PAK5: variants seen among roughly 807,000 people sequenced by gnomAD.
The protein encoded by PAK5 is serine/threonine-protein kinase PAK 5.
A neutral mutation model predicts 65.9 loss-of-function variants in PAK5; 16 were observed. The observed-to-expected ratio is 0.24, with a 90% confidence interval of 0.16 to 0.37. PAK5 has a LOEUF of 0.37. Ranked by LOEUF, PAK5 falls within the 10% of genes least tolerant of loss-of-function variation. The pLI, the probability that PAK5 is intolerant of heterozygous loss-of-function variation, is 1.00. For missense variants in PAK5, 785 were observed against 903.9 expected (o/e 0.87, Z 1.69); for synonymous variants, 371 against 354.9 (o/e 1.05, Z -0.51).
chr20:9,711,503 T>C (rs377349096), intron 1 of PAK5, 68 bp from the exon 2 acceptor site: 5 of 152,168 alleles, frequency 3.3e-5, no homozygotes, highest in African/African-American at 1.2e-4. Flanking sequence ...AAAATAAACA[T>C]ATAGCCACAT....
intron 1 of PAK5, among the ~76,000 whole-genome samples, chr20:9,836,523 A>G (rs993911008): frequency 6.6e-6 from 1 of 152,212 alleles, no homozygotes; most frequent in Non-Finnish European, 1.5e-5. Flanking sequence ...GGAAAAGGCA[A>G]GCAAGGATCC....
chr20:9,586,471 T>C (rs928889834), intron 3 of PAK5, among the ~76,000 whole-genome samples: 20 of 152,282 alleles, frequency 1.3e-4, no homozygotes, highest in Non-Finnish European at 4.4e-5. Context: ...CATCTATTTA[T>C]CCTAAAATAT....
rs2123016759 is a variant in PAK5 at position 9,580,641 on chromosome 20, G to C, written c.494C>G (p.Ala165Gly). 6.2e-7 allele frequency: 1 copy of C among 1,614,070 alleles called. No homozygotes were observed. Among genetic ancestry groups the C allele is most frequent in the Non-Finnish European group, 8.5e-7 (1 of 1,180,008 alleles). The change falls in exon 4 of 10, where the codon GCA becomes GGA. Residue 165 changes from alanine to glycine, a missense_variant. This residue lies in a region of PAK5 where 422 missense variants were observed against 413.3 expected (regional missense o/e 1.02). Coordinates refer to ENST00000353224, the MANE Select transcript of PAK5 (RefSeq NM_177990.4). The part of the protein sequence containing the change: ...DLDPYYRGSH[A>G]AKQNGHVMKM... The stretch of plus-strand genomic sequence containing the variant: ...CATTACGTGCCCATTTTGCTTGGCT[G>C]CGTGGCTGCCTCTATAATACGGATC...
At chr20:9,833,077 T>G (rs1978855182) in intron 1 of PAK5, among the ~76,000 whole-genome samples, 1 of 152,238 alleles carries the variant, frequency 6.6e-6, no homozygotes, top group South Asian at 2.1e-4. Context: ...TAGTTAAATA[T>G]TTTATTCTAG....
intron 1 of PAK5, among the ~76,000 whole-genome samples, chr20:9,802,910 G>GTATATATATATATATATATATA (rs57705525): frequency 0.049 from 2,249 of 46,096 alleles, 242 homozygotes; most frequent in South Asian, 0.095. Flanking sequence ...ATATGTATGT[G>GTATATATATATATATATATATA]TATATATATA....
intron 3 of PAK5, among the ~76,000 whole-genome samples, chr20:9,589,255 T>C (rs2046123522): frequency 6.6e-6 from 1 of 152,236 alleles, no homozygotes; most frequent in Non-Finnish European, 1.5e-5. Flanking sequence ...TCTTACCCTG[T>C]TGGTAAAGAA....
intron 4 of PAK5, among the ~76,000 whole-genome samples, chr20:9,569,373 A>T (rs2045736851): frequency 6.6e-6 from 1 of 152,204 alleles, no homozygotes; most frequent in South Asian, 2.1e-4. Flanking sequence ...TCTGAGAGTC[A>T]TCGGTGCTTA....
intron 2 of PAK5, among the ~76,000 whole-genome samples, chr20:9,690,754 T>C (rs866136275): frequency 4.1e-4 from 45 of 109,798 alleles, no homozygotes; most frequent in South Asian, 2.4e-3. Flanking sequence ...TTCTTTCTTT[T>C]TTTTTTTTTT....
intron 1 of PAK5, among the ~76,000 whole-genome samples, chr20:9,763,730 T>C (rs1484778822): frequency 6.6e-6 from 1 of 152,126 alleles, no homozygotes; most frequent in East Asian, 1.9e-4. Context: ...CATTTCAAAC[T>C]GAAGAAAAGT....
At chr20:9,607,677 C>T (rs1331310906) in intron 3 of PAK5, among the ~76,000 whole-genome samples, 1 of 151,876 alleles carries the variant, frequency 6.6e-6, no homozygotes, top group Non-Finnish European at 1.5e-5. Flanking sequence ...AAAAAATTAG[C>T]CAGGCATGGT....
intron 2 of PAK5, among the ~76,000 whole-genome samples, chr20:9,682,974 G>C (rs937581616): frequency 1.3e-5 from 2 of 152,176 alleles, no homozygotes; most frequent in Non-Finnish European, 2.9e-5. Context: ...CCAGACATTA[G>C]GGTGCTAGGA....
At chr20:9,629,186 G>A (rs550595080) in intron 3 of PAK5, among the ~76,000 whole-genome samples, 1 of 152,328 alleles carries the variant, frequency 6.6e-6, no homozygotes, top group African/African-American at 2.4e-5. Flanking sequence ...GACCTGAGGA[G>A]TCAGTGAAGC....
intron 2 of PAK5, among the ~76,000 whole-genome samples, chr20:9,682,514 C>T (rs1456774052): frequency 2.6e-5 from 4 of 152,126 alleles, no homozygotes; most frequent in African/African-American, 9.7e-5. Context: ...GATTCAAAAC[C>T]CAAGCTGTGA....
Position 9,539,496 on chromosome 20 carries a change from A to G in PAK5, c.2126T>C (p.Ile709Thr). ...FLKLAGPPSC[I>T]VPLMRQYRHH Reference sequence around the variant, plus strand: ...CCTGTATTGTCTCATGAGGGGGACGATGCAAGACGGTGGACCTGCTAGTTT... The same window carrying G: ...CCTGTATTGTCTCATGAGGGGGACGGTGCAAGACGGTGGACCTGCTAGTTT... The change falls in exon 10 of 10, where the codon ATC (isoleucine) becomes ACC (threonine). Residue 709 changes from isoleucine (I) to threonine (T), a missense_variant. Ile to Thr is a moderately conservative substitution (Grantham distance 89). Transcript: ENST00000353224. 1 of 1,614,150 alleles carries G rather than the reference A, an allele frequency of 6.2e-7. No individual in the cohort carries two copies. The highest frequency in any genetic ancestry group is 8.5e-7 in the Non-Finnish European group (1 of 1,180,004).
chr20:9,746,752 A>T (rs973142416), intron 1 of PAK5, among the ~76,000 whole-genome samples: 1 of 152,184 alleles, frequency 6.6e-6, no homozygotes, highest in African/African-American at 2.4e-5. Context: ...ACATTCCTTG[A>T]GCTGAACCAG....
chr20:9,627,624 CCTTTT>C (rs1049281489), intron 3 of PAK5, among the ~76,000 whole-genome samples: 1 of 152,054 alleles, frequency 6.6e-6, no homozygotes, highest in Non-Finnish European at 1.5e-5. Context: ...TTTTTCTTTT[CCTTTT>C]CTTTTCTTTT....
chr20:9,550,951 G>T (rs1026534882), intron 7 of PAK5, among the ~76,000 whole-genome samples: 8 of 151,948 alleles, frequency 5.3e-5, no homozygotes, highest in African/African-American at 1.9e-4. Context: ...CTCTTTGCTG[G>T]CAGGAAAAAT....
intron 6 of PAK5, 41 bp from the exon 7 acceptor site, chr20:9,557,775 G>A (rs1430019438): frequency 1.3e-6 from 2 of 1,562,808 alleles, no homozygotes; most frequent in South Asian, 2.3e-5. Context: ...ACAGGTTTAA[G>A]AACATCTTTG....
chr20:9,630,360 C>T (rs1044514408), intron 3 of PAK5, among the ~76,000 whole-genome samples: 1 of 152,168 alleles, frequency 6.6e-6, no homozygotes, highest in African/African-American at 2.4e-5. Context: ...AATTAAAGGT[C>T]TGCCCTACAG....
Sources: gnomAD v4.1 joint callset for allele counts (sites outside exome capture counted in the v4.1 genomes callset) on GRCh38, gnomAD v4.1.1 for gene constraint, gnomAD v4.1.1 regional missense constraint, MANE v1.5 for transcripts, NCBI Gene and HGNC (gene_info 2026-07-23, HGNC 2026-07-21) for gene names.